RASGRF2: variants seen among roughly 807,000 people sequenced by gnomAD.
The protein encoded by RASGRF2 is Ras protein specific guanine nucleotide releasing factor 2.
Under a neutral mutation model 151.0 loss-of-function variants are expected in RASGRF2, and 76 were observed. That is an observed-to-expected ratio of 0.50 (90% CI 0.42 to 0.61). The LOEUF (loss-of-function observed/expected upper bound fraction) is 0.61. RASGRF2 is among the 20% of genes least tolerant of loss of function. The pLI, the probability that RASGRF2 is intolerant of heterozygous loss-of-function variation, is 0.00. For synonymous variants in RASGRF2, 504 were observed against 566.5 expected, an observed-to-expected ratio of 0.89 and a Z score of 1.57; for missense variants, 1,148 against 1,564.6, an observed-to-expected ratio of 0.73 and a Z score of 4.49.
intron 12 of RASGRF2, among the ~76,000 whole-genome samples, chr5:81,106,862 A>G (rs1192840801): frequency 6.6e-6 from 1 of 152,196 alleles, no homozygotes; most frequent in East Asian, 1.9e-4. Context: ...ACGAACTAGG[A>G]TAAGAGAAGC....
intron 23 of RASGRF2, among the ~76,000 whole-genome samples, chr5:81,213,029 T>C (rs754186514): frequency 1.3e-5 from 2 of 152,218 alleles, no homozygotes; most frequent in East Asian, 1.9e-4. Flanking sequence ...ATTTTCATTT[T>C]CTTTCATTAA....
At chr5:81,117,987 G>A (rs1314961298) in intron 15 of RASGRF2, among the ~76,000 whole-genome samples, 2 of 152,216 alleles carry the variant, frequency 1.3e-5, no homozygotes, top group African/African-American at 4.8e-5. Flanking sequence ...GGGGTTGGGT[G>A]CCCAAAGCCT....
At position 81,029,572 on chromosome 5, in the gene RASGRF2, C is replaced by A. The variant is rs550071055; in HGVS notation, c.289-13305C>A. 5.3e-5 allele frequency among the ~76,000 whole-genome samples: 8 copies of A among 152,332 alleles called. No homozygotes were observed. The South Asian group carries it at 1.7e-3, about 32-fold the overall frequency. On this transcript the variant is annotated intron_variant, in intron 1 of 26. Coordinates refer to ENST00000265080, the MANE Select transcript of RASGRF2 (RefSeq NM_006909.3). ...GAACCTCCAGCAAACTCCAACATAC[C>A]TGCAGCTGAGGGTCCTGACTGTTAG...
chr5:80,994,322 C>T (rs1748756927), intron 1 of RASGRF2, among the ~76,000 whole-genome samples: 1 of 146,260 alleles, frequency 6.8e-6, no homozygotes. Context: ...GCCGAGATTG[C>T]ACCACTGCAC....
chr5:81,105,777 C>A (rs1346213543), intron 12 of RASGRF2, among the ~76,000 whole-genome samples: 3 of 152,126 alleles, frequency 2.0e-5, no homozygotes, highest in Non-Finnish European at 2.9e-5. Context: ...CCCCTCTCCC[C>A]ATCCAATCCT....
At chr5:81,039,401 G>A (rs1284298171) in intron 1 of RASGRF2, among the ~76,000 whole-genome samples, 1 of 152,070 alleles carries the variant, frequency 6.6e-6, no homozygotes, top group African/African-American at 2.4e-5. Flanking sequence ...TATAATTTGG[G>A]CTAAAGAGGG....
At chr5:81,151,968 G>A (rs529886372) in intron 17 of RASGRF2, among the ~76,000 whole-genome samples, 1 of 152,020 alleles carries the variant, frequency 6.6e-6, no homozygotes, top group Non-Finnish European at 1.5e-5. Flanking sequence ...AAGGATCTTG[G>A]GAACTAATGT....
intron 17 of RASGRF2, among the ~76,000 whole-genome samples, chr5:81,140,087 C>T (rs1753848653): frequency 6.6e-6 from 1 of 152,122 alleles, no homozygotes; most frequent in South Asian, 2.1e-4. Context: ...CCTCGGCCTC[C>T]CAAAGTGCTG....
chr5:81,047,315 A>C (rs1246238086), intron 2 of RASGRF2, among the ~76,000 whole-genome samples: 1 of 152,208 alleles, frequency 6.6e-6, no homozygotes, highest in Non-Finnish European at 1.5e-5. Flanking sequence ...GTGTATCCTG[A>C]GGAGGGAGGA....
chr5:81,228,051 A>G lies in RASGRF2; in HGVS notation c.*2281A>G, dbSNP rs78032423. On this transcript the variant is annotated 3_prime_UTR_variant, in exon 27 of 27. Coordinates refer to ENST00000265080, the MANE Select transcript of RASGRF2 (RefSeq NM_006909.3). ...GTTGGAACTGCCCCGCACTGGTCAT[A>G]TTAGGCACTGTCAATTGCTATGCTG... The G allele has an allele frequency of 5.9e-3, 906 of 152,310 alleles. 6 individuals carry two copies. The highest frequency in any genetic ancestry group is 0.01 in the Non-Finnish European group (688 of 68,058). The allele number at this position is 152,310 out of a possible 1,614,324, so 9.4% of individuals were successfully genotyped here. A position where few individuals can be genotyped will look rare whatever the true frequency, so the allele number is the denominator to read the frequency against.
chr5:81,158,224 A>G (rs1754306449), intron 17 of RASGRF2, among the ~76,000 whole-genome samples: 1 of 152,256 alleles, frequency 6.6e-6, no homozygotes, highest in African/African-American at 2.4e-5. Context: ...ATAAATTCTT[A>G]CATTTAAAGT....
intron 10 of RASGRF2, among the ~76,000 whole-genome samples, chr5:81,093,547 G>T (rs1054000008): frequency 6.6e-6 from 1 of 152,098 alleles, no homozygotes; most frequent in Non-Finnish European, 1.5e-5. Context: ...AAGCTGCTGG[G>T]ACTACAGACA....
chr5:81,103,993 T>C (rs983236395), intron 12 of RASGRF2, among the ~76,000 whole-genome samples: 5 of 151,810 alleles, frequency 3.3e-5, no homozygotes, highest in Admixed American at 1.3e-4. Context: ...GCAAATAATA[T>C]TGTAATTTAT....
At chr5:81,218,179 C>CT in intron 25 of RASGRF2, among the ~76,000 whole-genome samples, 1 of 152,160 alleles carries the variant, frequency 6.6e-6, no homozygotes. Flanking sequence ...CCAATGTTTG[C>CT]TTTTTAATCT....
Position 81,046,052 on chromosome 5 carries a change from C to T in RASGRF2, c.395+3069C>T, listed in dbSNP as rs114647503. ...TTCTAATATAAAAGTTTTAAATACT[C>T]AATATTTATGGTTTTATTGATCCTT... On this transcript the variant is annotated intron_variant, in intron 2 of 26. Coordinates refer to ENST00000265080, the MANE Select transcript of RASGRF2 (RefSeq NM_006909.3). 2.2e-3 allele frequency among the ~76,000 whole-genome samples: 333 copies of T among 152,216 alleles called. 1 individual carries two copies. The highest frequency in any genetic ancestry group is 7.6e-3 in the African/African-American group (317 of 41,532).
At chr5:81,098,912 A>G (rs1269432989) in intron 12 of RASGRF2, among the ~76,000 whole-genome samples, 1 of 152,240 alleles carries the variant, frequency 6.6e-6, no homozygotes, top group Admixed American at 6.5e-5. Context: ...GAAATGTACT[A>G]TTTAATATTT....
chr5:81,053,528 A>T (rs376292033), intron 2 of RASGRF2, among the ~76,000 whole-genome samples: 2 of 152,096 alleles, frequency 1.3e-5, no homozygotes, highest in African/African-American at 4.8e-5. Context: ...TCTATCATTG[A>T]TGGACATTTG....
At chr5:81,041,584 C>T (rs911645287) in intron 1 of RASGRF2, among the ~76,000 whole-genome samples, 1 of 152,170 alleles carries the variant, frequency 6.6e-6, no homozygotes, top group East Asian at 1.9e-4. Context: ...GTTCCCCATT[C>T]CATGTCTGTC....
intron 18 of RASGRF2, among the ~76,000 whole-genome samples, chr5:81,189,288 C>G (rs181396761): frequency 4.6e-5 from 7 of 152,180 alleles, no homozygotes; most frequent in Non-Finnish European, 2.9e-5. Context: ...GCCCACTGCT[C>G]AGGCACCACA....
Sources: gnomAD v4.1 joint callset for allele counts (sites outside exome capture counted in the v4.1 genomes callset) on GRCh38, gnomAD v4.1.1 for gene constraint, MANE v1.5 for transcripts, NCBI Gene and HGNC (gene_info 2026-07-23, HGNC 2026-07-21) for gene names.